Variants in GRID1 observed in about 807,000 individuals in gnomAD.
The protein encoded by GRID1 is glutamate receptor ionotropic, delta-1.
Under a neutral mutation model 98.0 loss-of-function variants are expected in GRID1, and 28 were observed. That is an observed-to-expected ratio of 0.29 (90% CI 0.21 to 0.39). The LOEUF is 0.39. GRID1 is among the 10% of genes least tolerant of loss of function. The pLI is 1.00. For missense variants in GRID1, 1,111 were observed against 1,340.5 expected, an observed-to-expected ratio of 0.83 and a Z score of 2.67; for synonymous variants, 553 against 538.5, an observed-to-expected ratio of 1.03 and a Z score of -0.37.
intron 12 of GRID1, among the ~76,000 whole-genome samples, chr10:85,693,823 C>T (rs1590192676): frequency 1.3e-5 from 2 of 152,096 alleles, no homozygotes; most frequent in Admixed American, 6.6e-5. Flanking sequence ...ACTGAAACTA[C>T]AGAAATACTA....
At position 86,366,294 on chromosome 10, in the gene GRID1, C is replaced by T. The variant is rs536977414; in HGVS notation, c.79+20G>A. On this transcript the variant is annotated intron_variant, in intron 1 of 15. Transcript: ENST00000327946. The surrounding 1 kb of genome is among the most constrained non-coding windows in gnomAD (Gnocchi z 4.1). ...TTGGGGCCCCCGCCCAGCCTCGGCC[C>T]GGCCTCCAGCCGCGCTTACCGATGT... 6.8e-7 allele frequency: 1 copy of T among 1,479,054 alleles called. No homozygotes were observed. Among genetic ancestry groups the T allele is most frequent in the Non-Finnish European group, 9.0e-7 (1 of 1,109,750 alleles). 91.6% of individuals were successfully genotyped at this position (1,479,054 alleles called of 1,614,324 possible). A position where few individuals can be genotyped will look rare whatever the true frequency, so the allele number is the denominator to read the frequency against.
In GRID1 at chr10:85,728,022, T is replaced by G. The variant is rs1185527979; in HGVS notation, c.1366A>C (p.Ile456Leu). 1 of 1,613,602 alleles carries G rather than the reference T, an allele frequency of 6.2e-7. No individual in the cohort carries two copies. Among genetic ancestry groups the G allele is most frequent in the Non-Finnish European group, 8.5e-7 (1 of 1,179,554 alleles). Residue 456 changes from isoleucine to leucine, a missense_variant, in exon 10 of 16, where the codon ATC (isoleucine) becomes CTC (leucine). By Grantham distance (5) the Ile-to-Leu change is conservative. This residue lies in a region of GRID1 where 762 missense variants were observed against 869.1 expected (regional missense o/e 0.88). Transcript: ENST00000327946. ...TTGTAGCGCTTGGGCTGTCCTAGGA[T>G]GTTCTCAGCCACCATCACGAAAGGC... ...EEPFVMVAEN[I>L]LGQPKRYKGF...
intron 8 of GRID1, among the ~76,000 whole-genome samples, chr10:85,812,787 G>T (rs1842684078): frequency 6.6e-6 from 1 of 150,758 alleles, no homozygotes; most frequent in Admixed American, 6.6e-5. Context: ...CTACATATTT[G>T]TGTGTGTCTA....
chr10:86,350,423 T>G (rs1315187258), intron 2 of GRID1, among the ~76,000 whole-genome samples: 1 of 152,082 alleles, frequency 6.6e-6, no homozygotes, highest in Non-Finnish European at 1.5e-5. Context: ...AGGCTGGGGC[T>G]GGGGAGATGG....
intron 2 of GRID1, among the ~76,000 whole-genome samples, chr10:86,207,832 G>A (rs919356430): frequency 6.6e-6 from 1 of 152,004 alleles, no homozygotes; most frequent in Non-Finnish European, 1.5e-5. Flanking sequence ...GAGTTTCACC[G>A]TGTTAGCCAG....
chr10:85,900,303 C>T (rs747106297), intron 5 of GRID1, among the ~76,000 whole-genome samples: 14 of 152,220 alleles, frequency 9.2e-5, no homozygotes, highest in African/African-American at 7.2e-5. Context: ...TCCAGACTGG[C>T]GAAGGAGGTG....
chr10:85,702,539 C>T (rs189460089), intron 12 of GRID1, among the ~76,000 whole-genome samples: 3 of 152,044 alleles, frequency 2.0e-5, no homozygotes, highest in Admixed American at 6.6e-5. Context: ...AATTATTGAA[C>T]TAAAGTGCAA....
intron 2 of GRID1, among the ~76,000 whole-genome samples, chr10:86,345,968 T>G (rs1327763165): frequency 6.6e-6 from 1 of 152,184 alleles, no homozygotes; most frequent in Non-Finnish European, 1.5e-5. Flanking sequence ...CACTTAAGAC[T>G]CAGCTCAGAA....
Position 85,921,291 on chromosome 10 carries a change from T to G in GRID1, c.727-5052A>C, listed in dbSNP as rs144866463. On this transcript the variant is annotated intron_variant, in intron 4 of 15. Coordinates refer to ENST00000327946, the MANE Select transcript of GRID1 (RefSeq NM_017551.3). The stretch of plus-strand genomic sequence containing the variant: ...ACCCTCTGGAAAGAAAAGTGTGCTG[T>G]TATAGGCAAACTCCAGCTAAAGAAG... Among the ~76,000 whole-genome samples, 161 of 152,306 alleles carry G rather than the reference T, an allele frequency of 1.1e-3. 1 individual carries two copies. The highest frequency in any genetic ancestry group is 3.8e-3 in the African/African-American group (156 of 41,568).
intron 5 of GRID1, among the ~76,000 whole-genome samples, chr10:85,872,293 T>C (rs556682388): frequency 9.2e-5 from 14 of 152,170 alleles, no homozygotes; most frequent in Non-Finnish European, 4.4e-5. Context: ...ATTTAAATTA[T>C]GCACAAAAGA....
intron 8 of GRID1, among the ~76,000 whole-genome samples, chr10:85,759,592 T>G (rs17105848): frequency 0.013 from 1,944 of 152,338 alleles, 68 homozygotes; most frequent in Admixed American, 0.071. Flanking sequence ...AAAGGCGATT[T>G]GCACAGTGAT....
rs888516740 is a variant in GRID1, at chr10:86,366,046, C to G, written c.79+268G>C. Among the ~76,000 whole-genome samples, 3 of 152,114 alleles carry G rather than the reference C, an allele frequency of 2.0e-5. No homozygotes were observed. The highest frequency in any genetic ancestry group is 7.2e-5 in the African/African-American group (3 of 41,448). On this transcript the variant is annotated intron_variant, in intron 1 of 15. Transcript: ENST00000327946. The surrounding 1 kb of genome is among the most constrained non-coding windows in gnomAD (Gnocchi z 4.1). Reference sequence around the variant, plus strand: ...CGCGGGTCTCGACGCGCGTCCATCCCGGTGTTCCCCGAAGCGTCGGCCCTA... The same window carrying G: ...CGCGGGTCTCGACGCGCGTCCATCCGGGTGTTCCCCGAAGCGTCGGCCCTA...
chr10:85,892,591 C>T (rs1272274826), intron 5 of GRID1, among the ~76,000 whole-genome samples: 2 of 148,482 alleles, frequency 1.3e-5, no homozygotes, highest in African/African-American at 2.5e-5. Context: ...TTTATACATG[C>T]AAAACTAAAG....
Position 85,927,149 on chromosome 10 carries a change from G to A in GRID1, c.727-10910C>T, listed in dbSNP as rs115674189. Among the ~76,000 whole-genome samples, 341 of 152,326 alleles carry A rather than the reference G, an allele frequency of 2.2e-3. 4 individuals carry two copies. Among genetic ancestry groups the A allele is most frequent in the African/African-American group, 7.6e-3 (317 of 41,574 alleles). On this transcript the variant is annotated intron_variant, in intron 4 of 15. Coordinates refer to ENST00000327946, the MANE Select transcript of GRID1 (RefSeq NM_017551.3). ...GGAAGTGTGTGGGCAAGCTGACCACGTGAGAAGCCCTCTAGACCATGCATG... is the reference window on the plus strand; with the variant it reads ...GGAAGTGTGTGGGCAAGCTGACCACATGAGAAGCCCTCTAGACCATGCATG...
At chr10:85,932,276 A>G (rs993070823) in intron 4 of GRID1, among the ~76,000 whole-genome samples, 3 of 152,160 alleles carry the variant, frequency 2.0e-5, no homozygotes, top group African/African-American at 7.2e-5. Context: ...CAGTGGCACA[A>G]TCCTGGCTCA....
intron 2 of GRID1, among the ~76,000 whole-genome samples, chr10:86,238,668 CAAAAAAAAAAAA>C (rs931719950): frequency 2.1e-5 from 1 of 47,084 alleles, no homozygotes; most frequent in African/African-American, 6.1e-5. Context: ...GATTCCATCT[CAAAAAAAAAAAA>C]AAAAAAAAAA....
chr10:85,880,610 A>C (rs1265151525), intron 5 of GRID1, among the ~76,000 whole-genome samples: 1 of 151,928 alleles, frequency 6.6e-6, no homozygotes, highest in Non-Finnish European at 1.5e-5. Context: ...TTAGGTATTG[A>C]TGGGACATAT....
chr10:86,059,464 T>C (rs1589356051), intron 4 of GRID1, among the ~76,000 whole-genome samples: 1 of 152,268 alleles, frequency 6.6e-6, no homozygotes, highest in South Asian at 2.1e-4. Context: ...CAATTACCTG[T>C]GGAGCCACTG....
intron 8 of GRID1, among the ~76,000 whole-genome samples, chr10:85,775,089 A>G (rs968347087): frequency 6.6e-6 from 1 of 152,202 alleles, no homozygotes; most frequent in African/African-American, 2.4e-5. Context: ...ATGTCCATCA[A>G]TGATAGACTG....
Sources: allele counts gnomAD v4.1 joint callset (sites outside exome capture counted in the v4.1 genomes callset), GRCh38; gene constraint gnomAD v4.1.1; regional missense constraint gnomAD v4.1.1; non-coding constraint Gnocchi (gnomAD v3.1); transcripts MANE v1.5; gene names NCBI Gene and HGNC (gene_info 2026-07-23, HGNC 2026-07-21).